TRHDE: variants seen among roughly 807,000 people sequenced by gnomAD.
The protein encoded by TRHDE is thyrotropin releasing hormone degrading enzyme.
TRHDE carries 72 observed loss-of-function variants against 125.7 expected under a neutral mutation model. The ratio of observed to expected loss-of-function variants is 0.57; its 90% CI spans 0.47 to 0.70. The LOEUF (loss-of-function observed/expected upper bound fraction) is 0.70. Among genes scored for constraint, TRHDE ranks in the 30% least tolerant of loss-of-function variants. The pLI, the probability that TRHDE is intolerant of heterozygous loss-of-function variation, is 0.00. For missense variants in TRHDE, 1,110 were observed against 1,327.1 expected, an observed-to-expected ratio of 0.84 and a Z score of 2.54; for synonymous variants, 509 against 509.1, an observed-to-expected ratio of 1.00 and a Z score of 0.00.
rs56686678 is a variant in TRHDE at position 72,456,453 on chromosome 12, C to A, written c.1316-13305C>A. Among the ~76,000 whole-genome samples the A allele has an allele frequency of 4.6e-3, 698 of 151,962 alleles. 6 individuals are homozygous for A. The highest frequency in any genetic ancestry group is 0.016 in the African/African-American group (652 of 41,472). ...TAACTATTTAAACAGATTCCAAGGA[C>A]ACAAATAAAATATTTGCATAGTATA... On this transcript the variant is annotated intron_variant, in intron 3 of 18. Transcript: ENST00000261180.
intron 3 of TRHDE, among the ~76,000 whole-genome samples, chr12:72,464,932 A>G (rs1876298186): frequency 6.6e-6 from 1 of 152,194 alleles, no homozygotes; most frequent in African/African-American, 2.4e-5. Flanking sequence ...ATTATTTCAT[A>G]TCTGTCTATA....
chr12:72,519,463 C>G (rs542077776), intron 6 of TRHDE, among the ~76,000 whole-genome samples: 1 of 152,130 alleles, frequency 6.6e-6, no homozygotes, highest in Non-Finnish European at 1.5e-5. Context: ...GCATTCTTCA[C>G]GTAGTTCTCG....
intron 4 of TRHDE, among the ~76,000 whole-genome samples, chr12:72,471,106 G>A (rs1285120916): frequency 6.6e-6 from 1 of 151,952 alleles, no homozygotes; most frequent in Non-Finnish European, 1.5e-5. Context: ...CGAACTTCCT[G>A]ACCTCAGGTG....
chr12:72,181,686 A>C (rs1212711025), intron 2 of TRHDE, among the ~76,000 whole-genome samples: 1 of 152,046 alleles, frequency 6.6e-6, no homozygotes, highest in Non-Finnish European at 1.5e-5. Flanking sequence ...CATTGACTGG[A>C]GACTAGTTTC....
chr12:72,151,771 C>T (rs1876372283), intron 2 of TRHDE, among the ~76,000 whole-genome samples: 1 of 152,094 alleles, frequency 6.6e-6, no homozygotes, highest in East Asian at 1.9e-4. Context: ...GTTTTGGTAC[C>T]AGTACCATGC....
chr12:72,369,990 A>C (rs2135762229), intron 2 of TRHDE, among the ~76,000 whole-genome samples: 1 of 152,294 alleles, frequency 6.6e-6, no homozygotes, highest in South Asian at 2.1e-4. Context: ...GAAGAAAACA[A>C]CTGTGATTTC....
At chr12:72,328,262 A>C (rs1869430948) in intron 2 of TRHDE, among the ~76,000 whole-genome samples, 2 of 152,202 alleles carry the variant, frequency 1.3e-5, no homozygotes, top group East Asian at 3.8e-4. Flanking sequence ...TAGGCATTCA[A>C]GGACAATTAA....
At chr12:72,590,884 CCTCT>C (rs1470657753) in intron 12 of TRHDE, among the ~76,000 whole-genome samples, 2 of 151,828 alleles carry the variant, frequency 1.3e-5, no homozygotes, top group Non-Finnish European at 2.9e-5. Flanking sequence ...GTTATTGTTC[CCTCT>C]ATCTTTTTAT....
At chr12:72,368,575 C>T (rs138573712) in intron 2 of TRHDE, among the ~76,000 whole-genome samples, 6 of 152,154 alleles carry the variant, frequency 3.9e-5, no homozygotes, top group Non-Finnish European at 5.9e-5. Flanking sequence ...AATTATAGGA[C>T]CATGTTATTG....
At chr12:72,550,418 T>C (rs1313444740) in intron 7 of TRHDE, among the ~76,000 whole-genome samples, 2 of 152,012 alleles carry the variant, frequency 1.3e-5, no homozygotes, top group Non-Finnish European at 2.9e-5. Flanking sequence ...TTTCTTTTCC[T>C]TTTAAAATTT....
chr12:72,221,387 T>A (rs1877997126), intron 2 of TRHDE, among the ~76,000 whole-genome samples: 1 of 152,106 alleles, frequency 6.6e-6, no homozygotes, highest in African/African-American at 2.4e-5. Context: ...ATGGGACATC[T>A]TACTATTGTA....
intron 3 of TRHDE, among the ~76,000 whole-genome samples, chr12:72,384,323 C>T (rs1384597437): frequency 6.6e-6 from 1 of 151,912 alleles, no homozygotes; most frequent in Non-Finnish European, 1.5e-5. Context: ...GTAGAGGGAG[C>T]CCAGGTGTTT....
intron 2 of TRHDE, among the ~76,000 whole-genome samples, chr12:72,121,611 T>C (rs890047450): frequency 1.3e-5 from 2 of 152,124 alleles, no homozygotes; most frequent in African/African-American, 4.8e-5. Context: ...GAGGTGATGG[T>C]AGCTATTCAA....
intron 2 of TRHDE, among the ~76,000 whole-genome samples, chr12:72,124,607 T>C (rs1875669611): frequency 6.6e-6 from 1 of 152,210 alleles, no homozygotes; most frequent in African/African-American, 2.4e-5. Flanking sequence ...TGTAATTCTT[T>C]GTTAATATTA....
At chr12:72,548,155 AG>A (rs1869509576) in intron 7 of TRHDE, among the ~76,000 whole-genome samples, 1 of 151,812 alleles carries the variant, frequency 6.6e-6, no homozygotes. Context: ...GACAGACTTT[AG>A]GACCCAGTGT....
intron 1 of TRHDE, among the ~76,000 whole-genome samples, chr12:72,277,103 G>T (rs191387653): frequency 6.6e-6 from 1 of 152,202 alleles, no homozygotes; most frequent in East Asian, 1.9e-4. Flanking sequence ...CTTTAATAGG[G>T]TCTATAACAT....
chr12:72,142,174 G>T (rs186359754), intron 2 of TRHDE, among the ~76,000 whole-genome samples: 1 of 152,204 alleles, frequency 6.6e-6, no homozygotes, highest in African/African-American at 2.4e-5. Context: ...CTGCATATGT[G>T]GGAAGCCTAC....
intron 12 of TRHDE, among the ~76,000 whole-genome samples, chr12:72,590,230 C>G (rs190450404): frequency 6.6e-6 from 1 of 151,948 alleles, no homozygotes. Context: ...AGAACATACT[C>G]TATATGATTT....
chr12:72,560,154 A>G (rs990869249), intron 7 of TRHDE, among the ~76,000 whole-genome samples: 2 of 152,156 alleles, frequency 1.3e-5, no homozygotes, highest in South Asian at 2.1e-4. Flanking sequence ...GGCACATGTA[A>G]AATTCCAATA....
Sources: gnomAD v4.1 joint callset for allele counts (sites outside exome capture counted in the v4.1 genomes callset) on GRCh38, gnomAD v4.1.1 for gene constraint, MANE v1.5 for transcripts, NCBI Gene and HGNC (gene_info 2026-07-23, HGNC 2026-07-21) for gene names.